Variants in KANSL1 observed in about 807,000 individuals in gnomAD.
KANSL1 encodes the protein KAT8 regulatory NSL complex subunit 1.
Under a neutral mutation model 103.6 loss-of-function variants are expected in KANSL1, and 22 were observed. The observed-to-expected ratio is 0.21, with a 90% CI of 0.15 to 0.30. KANSL1 has a LOEUF of 0.30. Among genes scored for constraint, KANSL1 ranks in the 10% least tolerant of loss-of-function variants. The pLI, the probability that KANSL1 is intolerant of heterozygous loss-of-function variation, is 1.00. For synonymous variants in KANSL1, 600 were observed against 527.6 expected, an observed-to-expected ratio of 1.14 and a Z score of -1.88; for missense variants, 1,337 against 1,399.8, an observed-to-expected ratio of 0.96 and a Z score of 0.72.
At chr17:46,153,756 T>A (rs2045258820) in intron 2 of KANSL1, among the ~76,000 whole-genome samples, 1 of 152,094 alleles carries the variant, frequency 6.6e-6, no homozygotes, top group Admixed American at 6.6e-5. Flanking sequence ...AAAAATAAAG[T>A]ATCAATACAA....
At chr17:46,128,366 C>G (rs2043677481) in intron 2 of KANSL1, among the ~76,000 whole-genome samples, 1 of 152,066 alleles carries the variant, frequency 6.6e-6, no homozygotes, top group Non-Finnish European at 1.5e-5. Context: ...TTCAAGGTAC[C>G]TTTGTTACAG....
At chr17:46,121,934 T>C (rs760611791) in intron 2 of KANSL1, among the ~76,000 whole-genome samples, 19 of 152,138 alleles carry the variant, frequency 1.2e-4, no homozygotes, top group Non-Finnish European at 2.6e-4. Flanking sequence ...TTGGGCAAAA[T>C]CATCTAACAC....
chr17:46,054,650 C>G (rs2077852426), intron 6 of KANSL1, among the ~76,000 whole-genome samples: 1 of 152,136 alleles, frequency 6.6e-6, no homozygotes, highest in Non-Finnish European at 1.5e-5. Context: ...TTTGTCGCCT[C>G]TATCCCCTCT....
intron 1 of KANSL1, among the ~76,000 whole-genome samples, chr17:46,178,242 G>A (rs2046622925): frequency 1.3e-5 from 2 of 151,706 alleles, no homozygotes; most frequent in Non-Finnish European, 2.9e-5. Flanking sequence ...AAAAAAAAAC[G>A]AAAAACAAAA....
At chr17:46,183,226 A>G (rs2046868239) in intron 1 of KANSL1, among the ~76,000 whole-genome samples, 1 of 152,228 alleles carries the variant, frequency 6.6e-6, no homozygotes, top group Non-Finnish European at 1.5e-5. Context: ...GTTCAAGGCC[A>G]GCCTAGGCAA....
At chr17:46,053,625 A>C (rs929120602) in intron 6 of KANSL1, among the ~76,000 whole-genome samples, 1 of 152,046 alleles carries the variant, frequency 6.6e-6, no homozygotes, top group Non-Finnish European at 1.5e-5. Flanking sequence ...TAGTAGAGAC[A>C]GGGTTTCACC....
intron 7 of KANSL1, chr17:46,040,135 G>C: frequency 2.4e-6 from 1 of 424,390 alleles, no homozygotes; most frequent in East Asian, 3.6e-5. Flanking sequence ...TTTGGTTGAT[G>C]GAGTTTTTGT....
intron 6 of KANSL1, among the ~76,000 whole-genome samples, chr17:46,051,107 G>C (rs1371999009): frequency 6.6e-6 from 1 of 152,194 alleles, no homozygotes; most frequent in Non-Finnish European, 1.5e-5. Flanking sequence ...TCCCAGGTGG[G>C]ACATTACTTG....
At chr17:46,079,506 T>G (rs886215048) in intron 4 of KANSL1, among the ~76,000 whole-genome samples, 2 of 152,238 alleles carry the variant, frequency 1.3e-5, no homozygotes, top group Non-Finnish European at 1.5e-5. Flanking sequence ...GTTTGCATCT[T>G]GTTGAAAACA....
chr17:46,074,929 C>T (rs188411858), intron 4 of KANSL1, among the ~76,000 whole-genome samples: 9 of 152,186 alleles, frequency 5.9e-5, no homozygotes, highest in African/African-American at 1.9e-4. Flanking sequence ...AAATCATGAA[C>T]CCCCTGTGGT....
chr17:46,134,552 C>T (rs927729834), intron 2 of KANSL1, among the ~76,000 whole-genome samples: 12 of 151,538 alleles, frequency 7.9e-5, no homozygotes, highest in African/African-American at 2.7e-4. Context: ...ACTTAAAAGA[C>T]GAGGAGGCCA....
At chr17:46,034,850 T>C (rs562594890) in intron 10 of KANSL1, 1 of 152,900 alleles carries the variant, frequency 6.5e-6, no homozygotes, top group Non-Finnish European at 1.5e-5. Flanking sequence ...CTTTATGTGA[T>C]TTCCCCTCTT....
chr17:46,122,998 G>A (rs2043351140), intron 2 of KANSL1, among the ~76,000 whole-genome samples: 1 of 152,246 alleles, frequency 6.6e-6, no homozygotes, highest in African/African-American at 2.4e-5. Flanking sequence ...TGTTCAAGTG[G>A]AAGAGTCTAC....
chr17:46,186,954 T>A (rs1175164559), intron 1 of KANSL1, among the ~76,000 whole-genome samples: 1 of 152,136 alleles, frequency 6.6e-6, no homozygotes, highest in East Asian at 1.9e-4. Context: ...CAGGCTGGTC[T>A]CAAACTCCTG....
In KANSL1 at chr17:46,050,617, G is replaced by A; in HGVS notation, c.1936C>T (p.Pro646Ser). The A allele has an allele frequency of 6.2e-7, 1 of 1,614,174 alleles. No homozygotes were observed. Among genetic ancestry groups the A allele is most frequent in the Middle Eastern group, 1.6e-4 (1 of 6,062 alleles). Residue 646 changes from proline to serine, a missense_variant, in exon 7 of 15, where the codon CCC becomes TCC. Coordinates refer to ENST00000432791, the MANE Select transcript of KANSL1 (RefSeq NM_015443.4). Reference protein sequence around the residue: ...CGSGSINTMPPEIHYEAPLLE... With the variant: ...CGSGSINTMPSEIHYEAPLLE... ...AGAGGGGCTTCATAGTGAATTTCGG[G>A]AGGCATGGTGTTGATGCTGCCTGAA...
chr17:46,058,618 C>T (rs1345883235), intron 6 of KANSL1, among the ~76,000 whole-genome samples: 3 of 151,876 alleles, frequency 2.0e-5, no homozygotes. Context: ...ACTAAGGTAT[C>T]AGATAAATGA....
intron 1 of KANSL1, among the ~76,000 whole-genome samples, chr17:46,186,259 T>C (rs887001935): frequency 9.9e-5 from 15 of 151,280 alleles, no homozygotes; most frequent in Non-Finnish European, 2.1e-4. Context: ...GGCGGGCACC[T>C]GTAGTTCCAG....
At chr17:46,151,574 T>C (rs1334347654) in intron 2 of KANSL1, among the ~76,000 whole-genome samples, 1 of 152,262 alleles carries the variant, frequency 6.6e-6, no homozygotes, top group Non-Finnish European at 1.5e-5. Context: ...TCTTCCCTAG[T>C]AGGATAAAAC....
chr17:46,096,102 G>A (rs2042049511), intron 2 of KANSL1, among the ~76,000 whole-genome samples: 2 of 150,234 alleles, frequency 1.3e-5, no homozygotes, highest in South Asian at 2.1e-4. Flanking sequence ...TTAGCGAGGT[G>A]TAAAATGTGC....
Sources: gnomAD v4.1 joint callset for allele counts (sites outside exome capture counted in the v4.1 genomes callset) on GRCh38, gnomAD v4.1.1 for gene constraint, MANE v1.5 for transcripts, NCBI Gene and HGNC (gene_info 2026-07-23, HGNC 2026-07-21) for gene names.